Variants in CCDC178 observed in about 807,000 individuals in gnomAD.
The protein encoded by CCDC178 is coiled-coil domain containing 178, also known as coiled-coil domain-containing protein 178.
A neutral mutation model predicts 117.4 loss-of-function variants in CCDC178; 126 were observed. That is an observed-to-expected ratio of 1.07 (90% CI 0.93 to 1.24). The LOEUF (loss-of-function observed/expected upper bound fraction) is 1.24. CCDC178 is among the 50% of genes most tolerant of loss of function. CCDC178 has a pLI of 0.00. For missense variants in CCDC178, 1,030 were observed against 986.9 expected (o/e 1.04, Z -0.59); for synonymous variants, 283 against 313.4 (o/e 0.90, Z 1.02).
chr18:33,282,450 G>A (rs2060036625), intron 12 of CCDC178, among the ~76,000 whole-genome samples: 1 of 152,144 alleles, frequency 6.6e-6, no homozygotes, highest in East Asian at 1.9e-4. Flanking sequence ...ACATCAGATG[G>A]GACTAGTCTG....
At chr18:33,381,780 G>A (rs886681176) in intron 5 of CCDC178, among the ~76,000 whole-genome samples, 6 of 151,800 alleles carry the variant, frequency 4.0e-5, no homozygotes, top group African/African-American at 7.3e-5. Flanking sequence ...TGTCATCTCC[G>A]CTGATACACT....
rs759906598 is a variant in CCDC178, at chr18:33,224,866, C to T, written c.1727G>A (p.Cys576Tyr). ...CTGTAGTTCTGCCAGTGACATGGCA[C>T]ATATTGCTCTATTTTTTATAAGCTC... ...RKELIKNRAI[C>Y]AMSLAELQEP... is the part of the protein sequence containing the mutation. The change falls in exon 17 of 23, where the codon TGT becomes TAT. Residue 576 changes from cysteine (C) to tyrosine (Y), a missense_variant. By Grantham distance (194) the Cys-to-Tyr change is radical. Transcript: ENST00000383096. 1.3e-6 allele frequency: 2 copies of T among 1,582,878 alleles called. No homozygotes were observed. Among genetic ancestry groups the T allele is most frequent in the Non-Finnish European group, 1.7e-6 (2 of 1,163,330 alleles).
At chr18:32,991,171 T>G (rs1039778094) in intron 21 of CCDC178, among the ~76,000 whole-genome samples, 2 of 152,078 alleles carry the variant, frequency 1.3e-5, no homozygotes, top group African/African-American at 4.8e-5. Context: ...CAAGAACAAA[T>G]AATATACTAC....
intron 8 of CCDC178, among the ~76,000 whole-genome samples, chr18:33,346,763 T>A (rs1357512913): frequency 6.6e-6 from 1 of 152,084 alleles, no homozygotes; most frequent in Non-Finnish European, 1.5e-5. Flanking sequence ...TCCTATTCTA[T>A]AAGAAAAACA....
At chr18:33,167,899 T>TA (rs200624314) in intron 20 of CCDC178, among the ~76,000 whole-genome samples, 1 of 150,484 alleles carries the variant, frequency 6.6e-6, no homozygotes, top group Non-Finnish European at 1.5e-5. Context: ...AATAAATAAA[T>TA]AATAAAAGTG....
intron 12 of CCDC178, among the ~76,000 whole-genome samples, chr18:33,276,024 G>A (rs201000956): frequency 4.7e-5 from 2 of 42,416 alleles, no homozygotes; most frequent in South Asian, 1.1e-3. Context: ...TCTAAAGTAA[G>A]TGAGTAAATA....
intron 21 of CCDC178, among the ~76,000 whole-genome samples, chr18:32,985,204 C>T (rs950029870): frequency 2.0e-5 from 3 of 151,788 alleles, no homozygotes; most frequent in Non-Finnish European, 2.9e-5. Flanking sequence ...ATAAATACCC[C>T]CAGCATTTTT....
intron 20 of CCDC178, among the ~76,000 whole-genome samples, chr18:33,172,279 C>A (rs142706810): frequency 3.3e-5 from 5 of 152,190 alleles, no homozygotes; most frequent in Non-Finnish European, 7.4e-5. Flanking sequence ...TCCTTGACTT[C>A]AGAGCTGTTT....
intron 22 of CCDC178, among the ~76,000 whole-genome samples, chr18:32,953,063 T>C (rs988283318): frequency 3.3e-5 from 5 of 152,112 alleles, no homozygotes; most frequent in African/African-American, 1.2e-4. Context: ...TGATCCACCA[T>C]GCCTGGCCAA....
At chr18:33,102,709 T>C (rs2057648652) in intron 20 of CCDC178, among the ~76,000 whole-genome samples, 1 of 151,744 alleles carries the variant, frequency 6.6e-6, no homozygotes, top group African/African-American at 2.4e-5. Flanking sequence ...TGATATAAAA[T>C]ATCTAAGGCA....
intron 20 of CCDC178, among the ~76,000 whole-genome samples, chr18:33,156,172 T>C (rs2058393850): frequency 7.5e-6 from 1 of 133,586 alleles, no homozygotes; most frequent in Admixed American, 8.7e-5. Flanking sequence ...CACTGCAACC[T>C]CCGCCTCCCA....
Position 33,402,413 on chromosome 18 carries a change from A to G in CCDC178, c.59-5205T>C, listed in dbSNP as rs147991238. 2.4e-3 allele frequency among the ~76,000 whole-genome samples: 362 copies of G among 152,306 alleles called. 2 individuals are homozygous for G. The highest frequency in any genetic ancestry group is 7.9e-3 in the African/African-American group (330 of 41,580). ...GACTCTGAAGGTCAACAGAGCCTTG[A>G]AAAATAAAGGTCCACATTTACGATA... On this transcript the variant is annotated intron_variant, in intron 3 of 22. Transcript: ENST00000383096.
intron 21 of CCDC178, among the ~76,000 whole-genome samples, chr18:33,007,106 G>A (rs557401702): frequency 1.3e-5 from 2 of 152,124 alleles, no homozygotes; most frequent in East Asian, 1.9e-4. Context: ...ATTAAAACAC[G>A]ATTTTAAAAG....
At chr18:33,069,644 T>C (rs1854794848) in intron 21 of CCDC178, among the ~76,000 whole-genome samples, 1 of 151,946 alleles carries the variant, frequency 6.6e-6, no homozygotes. Flanking sequence ...ACTTCAAAAG[T>C]ACAGGCAACA....
intron 21 of CCDC178, among the ~76,000 whole-genome samples, chr18:33,034,893 G>A (rs541750918): frequency 1.1e-4 from 16 of 151,830 alleles, no homozygotes; most frequent in Middle Eastern, 3.4e-3. Flanking sequence ...CATTCAATAC[G>A]TATTATTAAA....
In CCDC178 at chr18:32,938,057, C is replaced by T. The variant is rs2054158224; in HGVS notation, c.2558G>A (p.Gly853Asp). 1 of 1,613,544 alleles carries T rather than the reference C, an allele frequency of 6.2e-7. No homozygotes were observed. Among genetic ancestry groups the T allele is most frequent in the South Asian group, 1.1e-5 (1 of 91,058 alleles). ...GCCATCTGTCAAAGTCTGGAAGAAACCTAAGATGTGTTGCATTAAATTTGA... is the reference window on the plus strand; with the variant it reads ...GCCATCTGTCAAAGTCTGGAAGAAATCTAAGATGTGTTGCATTAAATTTGA... The part of the protein sequence containing the change: ...ESSNLMQHIL[G>D]FFQTLTDGTC... The change falls in exon 23 of 23, where the codon GGT becomes GAT. Residue 853 changes from glycine to aspartate, a missense_variant. Transcript: ENST00000383096.
chr18:33,004,997 C>T lies in CCDC178; in HGVS notation c.2389-30316G>A, dbSNP rs114389881. Among the ~76,000 whole-genome samples the T allele has an allele frequency of 9.0e-3, 1,365 of 152,104 alleles. 21 individuals are homozygous for T. The highest frequency in any genetic ancestry group is 0.032 in the African/African-American group (1,310 of 41,506). On this transcript the variant is annotated intron_variant, in intron 21 of 22. Transcript: ENST00000383096. ...TGGCGAGGATATGGAGAAAAGGGAC[C>T]CTCTGCACACTGTTGGTGGGAATGT... is the stretch of plus-strand genomic sequence containing the variant.
At chr18:33,354,259 T>G (rs2063020913) in intron 7 of CCDC178, among the ~76,000 whole-genome samples, 1 of 152,134 alleles carries the variant, frequency 6.6e-6, no homozygotes. Context: ...TGTATATGGG[T>G]GTGGATCTGT....
chr18:33,097,912 A>G (rs1346078073), intron 20 of CCDC178, among the ~76,000 whole-genome samples: 2 of 152,084 alleles, frequency 1.3e-5, no homozygotes, highest in Admixed American at 1.3e-4. Context: ...TTTTTGATCT[A>G]CATGATTCCA....
Sources: gnomAD v4.1 joint callset for allele counts (sites outside exome capture counted in the v4.1 genomes callset) on GRCh38, gnomAD v4.1.1 for gene constraint, MANE v1.5 for transcripts, NCBI Gene and HGNC (gene_info 2026-07-23, HGNC 2026-07-21) for gene names.